Variants in USP13 observed in about 807,000 individuals in gnomAD.
The protein encoded by USP13 is ubiquitin specific peptidase 13.
A neutral mutation model predicts 107.8 loss-of-function variants in USP13; 68 were observed. The ratio of observed to expected loss-of-function variants is 0.63; its 90% CI spans 0.52 to 0.77. The LOEUF is 0.77. Ranked by LOEUF, USP13 falls within the 30% of genes least tolerant of loss-of-function variation. The probability of loss-of-function intolerance (pLI) is 0.00; values close to 1 mark genes in which losing one functional copy is unlikely to be tolerated. For missense variants in USP13, 945 were observed against 1,093.3 expected, an observed-to-expected ratio of 0.86 and a Z score of 1.91; for synonymous variants, 377 against 389.5, an observed-to-expected ratio of 0.97 and a Z score of 0.38.
intron 3 of USP13, among the ~76,000 whole-genome samples, chr3:179,695,227 C>T (rs997402613): frequency 1.2e-4 from 19 of 152,206 alleles, no homozygotes; most frequent in African/African-American, 3.1e-4. Context: ...GCTCCTTCTT[C>T]GGCTTCATGA....
intron 16 of USP13, among the ~76,000 whole-genome samples, chr3:179,760,167 A>G (rs6443671): frequency 0.38 from 58,089 of 151,894 alleles, 12,973 homozygotes; most frequent in African/African-American, 0.64. Context: ...GTATGTATCT[A>G]TACATACACA....
intron 3 of USP13, among the ~76,000 whole-genome samples, chr3:179,699,813 T>C (rs2108473344): frequency 1.3e-5 from 2 of 151,714 alleles, no homozygotes; most frequent in South Asian, 4.2e-4. Context: ...GCCCTACCTT[T>C]GGGAATTTAA....
At chr3:179,660,135 T>C (rs772953576) in intron 1 of USP13, among the ~76,000 whole-genome samples, 1 of 152,218 alleles carries the variant, frequency 6.6e-6, no homozygotes, top group Non-Finnish European at 1.5e-5. Flanking sequence ...TAACTCGTTT[T>C]AATTGTACAA....
At chr3:179,764,652 T>G (rs1300547770) in intron 18 of USP13, among the ~76,000 whole-genome samples, 1 of 152,190 alleles carries the variant, frequency 6.6e-6, no homozygotes, top group East Asian at 1.9e-4. Flanking sequence ...GAGAAGGTTC[T>G]TCTGGTAGCC....
In USP13 at chr3:179,742,753, G is replaced by C. The variant is rs1260617792; in HGVS notation, c.1534+403G>C. ...TTTTAAAGTTAGACATTCGAGCAGA[G>C]GTCTCTTGAAATAATCCAGCTTTGG... On this transcript the variant is annotated intron_variant, in intron 12 of 20. Transcript: ENST00000263966. The surrounding 1 kb of genome is among the most constrained non-coding windows in gnomAD (Gnocchi z 5.0). 6.6e-6 allele frequency among the ~76,000 whole-genome samples: 1 copy of C among 152,194 alleles called. No individual in the cohort carries two copies. Among genetic ancestry groups the C allele is most frequent in the Non-Finnish European group, 1.5e-5 (1 of 68,044 alleles).
chr3:179,675,034 G>T (rs1255817293), intron 1 of USP13, among the ~76,000 whole-genome samples: 1 of 152,052 alleles, frequency 6.6e-6, no homozygotes, highest in Non-Finnish European at 1.5e-5. Context: ...AATTAGCCAG[G>T]CATGGTGGCG....
At chr3:179,762,074 C>T (rs1159070392) in intron 17 of USP13, among the ~76,000 whole-genome samples, 2 of 152,182 alleles carry the variant, frequency 1.3e-5, no homozygotes, top group Non-Finnish European at 2.9e-5. Flanking sequence ...TACATAATAG[C>T]AGTCACTCCC....
Position 179,721,379 on chromosome 3 carries a change from T to C in USP13, c.901-23T>C, listed in dbSNP as rs1245156818. ...AATGGGAATCACATTTAAAGTTGTT[T>C]TTCTTCGATGACTTTGTCTCAGACA... is the stretch of plus-strand genomic sequence containing the variant. On this transcript the variant is annotated intron_variant, in intron 7 of 20. Coordinates refer to ENST00000263966, the MANE Select transcript of USP13 (RefSeq NM_003940.3). The surrounding 1 kb of genome is among the most constrained non-coding windows in gnomAD (Gnocchi z 4.3). 1 of 1,605,180 alleles carries C rather than the reference T, an allele frequency of 6.2e-7. No individual in the cohort carries two copies. The highest frequency in any genetic ancestry group is 1.1e-5 in the South Asian group (1 of 90,112).
chr3:179,755,520 G>T (rs765724272), intron 15 of USP13, among the ~76,000 whole-genome samples: 4 of 152,080 alleles, frequency 2.6e-5, no homozygotes, highest in Non-Finnish European at 5.9e-5. Flanking sequence ...GGATGGTCTC[G>T]ATCTCCTGAC....
At position 179,730,729 on chromosome 3, in the gene USP13, C is replaced by A; in HGVS notation, c.1254+20C>A. On this transcript the variant is annotated intron_variant, in intron 10 of 20. Transcript: ENST00000263966. ...CACAAGGTATGTGTCCGAGCGTTTG[C>A]CATGTTGACATGTAGGTAGGGAGGA... The A allele has an allele frequency of 6.2e-7, 1 of 1,607,880 alleles. No homozygotes were observed. Among genetic ancestry groups the A allele is most frequent in the South Asian group, 1.1e-5 (1 of 90,490 alleles).
rs1002859229 is a variant in USP13 at position 179,653,080 on chromosome 3, C to T, written c.-146C>T. ...CGCGGTGCCCGCTCCCGCCCCGCAGCCCGCTCTCCCCGCCCGCCCCGGCTC... is the reference window on the plus strand; with the variant it reads ...CGCGGTGCCCGCTCCCGCCCCGCAGTCCGCTCTCCCCGCCCGCCCCGGCTC... On this transcript the variant is annotated 5_prime_UTR_variant, in exon 1 of 21. Transcript: ENST00000263966. This position sits in a 1 kb window ranked among gnomAD's most constrained non-coding sequence, Gnocchi z 4.0. 1.5e-6 allele frequency: 1 copy of T among 672,100 alleles called. No homozygotes were observed. The highest frequency in any genetic ancestry group is 1.8e-6 in the Non-Finnish European group (1 of 544,868). The allele number at this position is 672,100 out of a possible 1,614,324, so 41.6% of individuals were successfully genotyped here.
intron 20 of USP13, among the ~76,000 whole-genome samples, chr3:179,782,524 G>C (rs191103828): frequency 6.6e-6 from 1 of 152,108 alleles, no homozygotes; most frequent in Non-Finnish European, 1.5e-5. Flanking sequence ...ACCTACTGGT[G>C]CCCTTCCTGC....
chr3:179,737,688 G>A (rs1303581732), intron 10 of USP13, among the ~76,000 whole-genome samples: 3 of 152,336 alleles, frequency 2.0e-5, no homozygotes, highest in African/African-American at 7.2e-5. Context: ...TATACAGGTT[G>A]TTAGTCCTTA....
chr3:179,730,511 C>A (rs1483156068), intron 9 of USP13, 105 bp from the exon 10 acceptor site: 3 of 965,574 alleles, frequency 3.1e-6, no homozygotes, highest in Non-Finnish European at 4.6e-6. Context: ...AGATCAAATG[C>A]TCCACCTAAC....
intron 19 of USP13, among the ~76,000 whole-genome samples, chr3:179,769,512 AT>A (rs1715280192): frequency 6.6e-6 from 1 of 152,080 alleles, no homozygotes; most frequent in African/African-American, 2.4e-5. Flanking sequence ...GGTTCAAGTG[AT>A]TCTCATGCCT....
At chr3:179,681,349 T>A (rs1711646594) in intron 1 of USP13, among the ~76,000 whole-genome samples, 1 of 151,688 alleles carries the variant, frequency 6.6e-6, no homozygotes, top group Non-Finnish European at 1.5e-5. Context: ...AGGGGCTAGT[T>A]TTGTTTCTAT....
chr3:179,776,230 T>G (rs941683381), intron 19 of USP13, among the ~76,000 whole-genome samples: 1 of 152,144 alleles, frequency 6.6e-6, no homozygotes, highest in African/African-American at 2.4e-5. Context: ...GCCATATACA[T>G]GTCTGTCTCA....
chr3:179,779,821 C>A (rs1715683655), intron 19 of USP13, among the ~76,000 whole-genome samples: 1 of 151,742 alleles, frequency 6.6e-6, no homozygotes, highest in Admixed American at 6.6e-5. Context: ...AGCAAGGAGT[C>A]CAATTAAGAG....
At position 179,727,805 on chromosome 3, in the gene USP13, C is replaced by T. The variant is rs1305794733; in HGVS notation, c.1089-2384C>T. On this transcript the variant is annotated intron_variant, in intron 8 of 20. Transcript: ENST00000263966. ...TGGCTGGGCAGGGGGCTGACCCCCCCCCCACCTCCCTCCCGGACGGGGCGG... is the reference window on the plus strand; with the variant it reads ...TGGCTGGGCAGGGGGCTGACCCCCCTCCCACCTCCCTCCCGGACGGGGCGG... 1.5e-4 allele frequency among the ~76,000 whole-genome samples: 17 copies of T among 111,140 alleles called. 1 individual carries two copies. The East Asian group carries it at 2.2e-3, about 14-fold the overall frequency. The allele number at this position is 111,140 out of a possible 152,430, so 72.9% of individuals were successfully genotyped here. A position where few individuals can be genotyped will look rare whatever the true frequency, so the allele number is the denominator to read the frequency against.
Sources: allele counts gnomAD v4.1 joint callset (sites outside exome capture counted in the v4.1 genomes callset), GRCh38; gene constraint gnomAD v4.1.1; non-coding constraint Gnocchi (gnomAD v3.1); transcripts MANE v1.5; gene names NCBI Gene and HGNC (gene_info 2026-07-23, HGNC 2026-07-21).